Variants in BCL9L observed in about 807,000 individuals in gnomAD.
The protein encoded by BCL9L is B-cell CLL/lymphoma 9-like protein.
Under a neutral mutation model 99.4 loss-of-function variants are expected in BCL9L, and 19 were observed. That is an observed-to-expected ratio of 0.19 (90% CI 0.13 to 0.28). The LOEUF is 0.28. BCL9L is among the 10% of genes least tolerant of loss of function. The pLI is 1.00. For missense variants in BCL9L, 2,023 were observed against 2,101.6 expected, an observed-to-expected ratio of 0.96 and a Z score of 0.73; for synonymous variants, 900 against 854.8, an observed-to-expected ratio of 1.05 and a Z score of -0.92.
Position 118,900,533 on chromosome 11 carries a change from TACTC to T in BCL9L, c.3124+82_3124+85del. On this transcript the variant is annotated intron_variant, in intron 8 of 9. Transcript: ENST00000683865. This position sits in a 1 kb window ranked among gnomAD's most constrained non-coding sequence, Gnocchi z 5.3. ...TCTGGGCCCGTGGTACACAGGCCCT[TACTC>T]ACTCACTGCCCAGCCCCAGCATGGA... 6.6e-7 allele frequency: 1 copy of T among 1,515,682 alleles called. No homozygotes were observed. Among genetic ancestry groups the T allele is most frequent in the South Asian group, 1.3e-5 (1 of 77,476 alleles). The allele number at this position is 1,515,682 out of a possible 1,614,324, so 93.9% of individuals were successfully genotyped here.
chr11:118,918,526 G>A (rs1421061841), intron 2 of BCL9L, among the ~76,000 whole-genome samples: 2 of 151,980 alleles, frequency 1.3e-5, no homozygotes, highest in Admixed American at 6.5e-5. Context: ...GGTGAGATCC[G>A]CTGAGATAGA....
At chr11:118,924,902 G>C (rs1033371275) in intron 1 of BCL9L, among the ~76,000 whole-genome samples, 1 of 152,228 alleles carries the variant, frequency 6.6e-6, no homozygotes, top group African/African-American at 2.4e-5. Context: ...GTGAGCCTGG[G>C]AGGGGGACTA....
In BCL9L at chr11:118,901,054, T is replaced by C; in HGVS notation, c.2689A>G (p.Asn897Asp). ...LSHMPLPPAS[N>D]PPGTVHSAPN... ...GCTGAATGCACGGTCCCAGGAGGAT[T>C]GGACGCAGGGGGCAGAGGCATGTGG... Residue 897 changes from asparagine to aspartate, a missense_variant, in exon 8 of 10, where the codon AAT becomes GAT. Asn to Asp is a conservative substitution (Grantham distance 23, BLOSUM62 1). Coordinates refer to ENST00000683865, the MANE Select transcript of BCL9L (RefSeq NM_001378213.1). This position sits in a 1 kb window ranked among gnomAD's most constrained non-coding sequence, Gnocchi z 6.6. 6.3e-7 allele frequency: 1 copy of C among 1,596,602 alleles called. No individual in the cohort carries two copies.
In BCL9L at chr11:118,898,019, G is replaced by C; in HGVS notation, c.*396C>G. ...ATGCGGACACGAGGAGACAGGAGCA[G>C]AAGGGGCTGGGGGAGACCTGACCTG... is the stretch of plus-strand genomic sequence containing the variant. On this transcript the variant is annotated 3_prime_UTR_variant, in exon 10 of 10. Transcript: ENST00000683865. The C allele has an allele frequency of 2.4e-6, 1 of 414,500 alleles. No homozygotes were observed. The allele number at this position is 414,500 out of a possible 1,614,324, so 25.7% of individuals were successfully genotyped here.
Position 118,902,264 on chromosome 11 carries a change from C to G in BCL9L, c.1479G>C (p.Pro493=), listed in dbSNP as rs200197563. The G allele has an allele frequency of 6.3e-7, 1 of 1,598,298 alleles. No individual in the cohort carries two copies. Among genetic ancestry groups the G allele is most frequent in the African/African-American group, 1.3e-5 (1 of 74,666 alleles). The change falls in exon 8 of 10, where the codon CCG becomes CCC. Residue 493 remains proline, a synonymous_variant. Coordinates refer to ENST00000683865, the MANE Select transcript of BCL9L (RefSeq NM_001378213.1). The surrounding 1 kb of genome is among the most constrained non-coding windows in gnomAD (Gnocchi z 7.8). ...PLEHEVPGHP[P]GGDMGQQMNM... is the part of the protein sequence containing the mutation. ...TCATCTGCTGCCCCATGTCCCCACC[C>G]GGGGGGTGCCCAGGCACTTCATGCT...
intron 5 of BCL9L, among the ~76,000 whole-genome samples, chr11:118,906,365 C>T (rs898667221): frequency 5.9e-5 from 9 of 152,108 alleles, no homozygotes; most frequent in East Asian, 3.9e-4. Context: ...GTTAGTCCCA[C>T]GGGGGAGAGA....
At chr11:118,919,257 C>T (rs1372784714) in intron 1 of BCL9L, among the ~76,000 whole-genome samples, 1 of 151,506 alleles carries the variant, frequency 6.6e-6, no homozygotes, top group Non-Finnish European at 1.5e-5. Context: ...CATGACCTGG[C>T]CTGAGGACCT....
At position 118,921,305 on chromosome 11, in the gene BCL9L, T is replaced by C. The variant is rs1005620595; in HGVS notation, c.-130-2426A>G. Among the ~76,000 whole-genome samples, 18 of 152,084 alleles carry C rather than the reference T, an allele frequency of 1.2e-4. No individual in the cohort carries two copies. Among genetic ancestry groups the C allele is most frequent in the African/African-American group, 3.1e-4 (13 of 41,392 alleles). ...ACACACACAAAGTAGTACGCAGCCA[T>C]GTGCTAGCACACAAACTCAGACACA... On this transcript the variant is annotated intron_variant, in intron 1 of 9. Transcript: ENST00000683865. This position sits in a 1 kb window ranked among gnomAD's most constrained non-coding sequence, Gnocchi z 5.4.
chr11:118,917,182 G>A (rs1030883480), intron 2 of BCL9L, among the ~76,000 whole-genome samples: 1 of 152,180 alleles, frequency 6.6e-6, no homozygotes, highest in Non-Finnish European at 1.5e-5. Context: ...GGAATCTGGA[G>A]TGTGGAAAGG....
chr11:118,907,665 G>A lies in BCL9L; in HGVS notation c.413-63C>T, dbSNP rs576186230. ...AGGCCCCATTATTCTCCCACACCCA[G>A]GGTCCCTCCCAGATCCATTCTCTAA... is the stretch of plus-strand genomic sequence containing the variant. On this transcript the variant is annotated intron_variant, in intron 4 of 9. Transcript: ENST00000683865. 5.7e-5 allele frequency: 91 copies of A among 1,594,534 alleles called. 1 individual carries two copies. The South Asian group carries it at 9.6e-4, about 17-fold the overall frequency.
In BCL9L at chr11:118,909,965, G is replaced by A. The variant is rs1403937402; in HGVS notation, c.-26C>T. The stretch of plus-strand genomic sequence containing the variant: ...GGCTCCCACACACAGTGGGGCTACG[G>A]CCCCTGTGCGTGCCCAGGGCCCAGC... On this transcript the variant is annotated 5_prime_UTR_variant, in exon 3 of 10. Coordinates refer to ENST00000683865, the MANE Select transcript of BCL9L (RefSeq NM_001378213.1). 5.6e-6 allele frequency: 9 copies of A among 1,613,778 alleles called. 1 individual carries two copies. In the African/African-American group the frequency reaches 1.2e-4, roughly 22 times the overall value.
At position 118,922,031 on chromosome 11, in the gene BCL9L, G is replaced by A. The variant is rs1421902385; in HGVS notation, c.-130-3152C>T. ...TCTCCACAAGGATGCGGGACCCTCG[G>A]GGAGACTGAGGCAGTGTAACACATG... On this transcript the variant is annotated intron_variant, in intron 1 of 9. Transcript: ENST00000683865. The surrounding 1 kb of genome is among the most constrained non-coding windows in gnomAD (Gnocchi z 6.2). Among the ~76,000 whole-genome samples, 1 of 152,086 alleles carries A rather than the reference G, an allele frequency of 6.6e-6. No homozygotes were observed. The highest frequency in any genetic ancestry group is 1.5e-5 in the Non-Finnish European group (1 of 67,994).
At position 118,903,728 on chromosome 11, in the gene BCL9L, C is replaced by T. The variant is rs781040763; in HGVS notation, c.533-276G>A. Among the ~76,000 whole-genome samples, 67 of 152,306 alleles carry T rather than the reference C, an allele frequency of 4.4e-4. No individual in the cohort carries two copies. Among genetic ancestry groups the T allele is most frequent in the African/African-American group, 1.3e-3 (54 of 41,550 alleles). On this transcript the variant is annotated intron_variant, in intron 5 of 9. Coordinates refer to ENST00000683865, the MANE Select transcript of BCL9L (RefSeq NM_001378213.1). The surrounding 1 kb of genome is among the most constrained non-coding windows in gnomAD (Gnocchi z 5.6). ...GGTGTGATTTCATCTCATCAACACA[C>T]CCTGGGAGGAACGTGTCACACACTC...
intron 1 of BCL9L, among the ~76,000 whole-genome samples, chr11:118,919,136 C>T (rs1300379847): frequency 2.1e-5 from 3 of 140,384 alleles, no homozygotes; most frequent in Non-Finnish European, 4.7e-5. Flanking sequence ...AACCCCCGCC[C>T]ACCACACCAT....
At position 118,902,687 on chromosome 11, in the gene BCL9L, G is replaced by A; in HGVS notation, c.1056C>T (p.His352=). ...ASTGGGTGGT[H]PNTPTATTAN... ...CGGTGGTAGCCGTCGGGGTGTTAGG[G>A]TGGGTGCCCCCAGTCCCACCACCTG... is the stretch of plus-strand genomic sequence containing the variant. Residue 352 remains histidine (H), a synonymous_variant, in exon 8 of 10, where the codon CAC becomes CAT. Coordinates refer to ENST00000683865, the MANE Select transcript of BCL9L (RefSeq NM_001378213.1). This position sits in a 1 kb window ranked among gnomAD's most constrained non-coding sequence, Gnocchi z 7.8. 6.3e-7 allele frequency: 1 copy of A among 1,599,320 alleles called. No homozygotes were observed. The highest frequency in any genetic ancestry group is 8.5e-7 in the Non-Finnish European group (1 of 1,179,762).
chr11:118,899,136 G>C lies in BCL9L; in HGVS notation c.3779C>G (p.Ala1260Gly). 1 of 1,531,770 alleles carries C rather than the reference G, an allele frequency of 6.5e-7. No homozygotes were observed. Among genetic ancestry groups the C allele is most frequent in the Non-Finnish European group, 8.8e-7 (1 of 1,137,548 alleles). 94.9% of individuals were successfully genotyped at this position (1,531,770 alleles called of 1,614,324 possible). ...GLQQHYPSGM[A>G]LPPEDLPNQP... ...GTTGGGCAGGTCCTCGGGAGGCAGG[G>C]CCATGCCTGACGGGTAGTGCTGCTG... Residue 1260 changes from alanine (A) to glycine (G), a missense_variant, in exon 10 of 10, where the codon GCC becomes GGC. Around this residue, in one of 3 missense-constraint regions of BCL9L, gnomAD observed 902 missense variants for 888.2 expected, o/e 1.02. Coordinates refer to ENST00000683865, the MANE Select transcript of BCL9L (RefSeq NM_001378213.1).
At chr11:118,923,310 G>T (rs146185842) in intron 1 of BCL9L, among the ~76,000 whole-genome samples, 166 of 152,258 alleles carry the variant, frequency 1.1e-3, no homozygotes, top group Non-Finnish European at 1.8e-3. Context: ...CTAGGCCCCT[G>T]CCCAGAGGCT....
rs559889000 is a variant in BCL9L at position 118,900,553 on chromosome 11, C to T, written c.3124+66G>A. On this transcript the variant is annotated intron_variant, in intron 8 of 9. Transcript: ENST00000683865. This position sits in a 1 kb window ranked among gnomAD's most constrained non-coding sequence, Gnocchi z 5.3. ...GCCCTTACTCACTCACTGCCCAGCC[C>T]CAGCATGGACACACTGCTCAGCGCC... is the stretch of plus-strand genomic sequence containing the variant. 26 of 1,534,240 alleles carry T rather than the reference C, an allele frequency of 1.7e-5. No individual in the cohort carries two copies. The South Asian group carries it at 3.1e-4, about 18-fold the overall frequency.
chr11:118,906,623 G>A (rs749762517), intron 5 of BCL9L, among the ~76,000 whole-genome samples: 4 of 152,162 alleles, frequency 2.6e-5, no homozygotes, highest in Non-Finnish European at 5.9e-5. Flanking sequence ...CCTTCAAGGA[G>A]TTCACAATTT....
Sources: gnomAD v4.1 joint callset for allele counts (sites outside exome capture counted in the v4.1 genomes callset) on GRCh38, gnomAD v4.1.1 for gene constraint, gnomAD v4.1.1 regional missense constraint, Gnocchi (gnomAD v3.1) non-coding constraint, MANE v1.5 for transcripts, NCBI Gene and HGNC (gene_info 2026-07-23, HGNC 2026-07-21) for gene names.